The following EPS8L3 variants were observed in gnomAD, a reference collection of about 807,000 sequenced individuals.
EPS8L3 encodes epidermal growth factor receptor kinase substrate 8-like protein 3.
Under a neutral mutation model 88.5 loss-of-function variants are expected in EPS8L3, and 80 were observed. The observed-to-expected ratio is 0.90, with a 90% CI of 0.75 to 1.09. EPS8L3 has a LOEUF of 1.09. EPS8L3 is among the 50% of genes least tolerant of loss of function. The pLI is 0.00. For missense variants in EPS8L3, 721 were observed against 735.2 expected, an observed-to-expected ratio of 0.98 and a Z score of 0.22; for synonymous variants, 286 against 291.0, an observed-to-expected ratio of 0.98 and a Z score of 0.18.
At position 109,759,559 on chromosome 1, in the gene EPS8L3, G is replaced by A. The variant is rs989898679; in HGVS notation, c.255+119C>T. On this transcript the variant is annotated intron_variant, in intron 4 of 18. Coordinates refer to ENST00000361965, the MANE Select transcript of EPS8L3 (RefSeq NM_133181.4). This position sits in a 1 kb window ranked among gnomAD's most constrained non-coding sequence, Gnocchi z 4.2. ...CCCCTGTCTCTTCCTAGGCTTGGGT[G>A]TGTGTTGTATGTGGGGAGAGTGGCT... 2 of 1,482,986 alleles carry A rather than the reference G, an allele frequency of 1.3e-6. No homozygotes were observed. The highest frequency in any genetic ancestry group is 1.4e-5 in the African/African-American group (1 of 71,916). The allele number at this position is 1,482,986 out of a possible 1,614,324, so 91.9% of individuals were successfully genotyped here. A position where few individuals can be genotyped will look rare whatever the true frequency, so the allele number is the denominator to read the frequency against.
At chr1:109,761,614 C>T in intron 2 of EPS8L3, 55 bp from the exon 3 acceptor site, 1 of 1,608,082 alleles carries the variant, frequency 6.2e-7, no homozygotes, top group South Asian at 1.1e-5. Context: ...AGGTGAGACT[C>T]AGGCAACTGC....
chr1:109,757,338 G>T, intron 11 of EPS8L3, 143 bp downstream of exon 11: 2 of 1,121,622 alleles, frequency 1.8e-6, no homozygotes, highest in Non-Finnish European at 2.6e-6. Context: ...TTAGAGCCTT[G>T]GCGTCCTTGG....
At position 109,752,685 on chromosome 1, in the gene EPS8L3, C is replaced by T; in HGVS notation, c.1235+1G>A. 6.4e-7 allele frequency: 1 copy of T among 1,551,546 alleles called. No individual in the cohort carries two copies. The highest frequency in any genetic ancestry group is 2.4e-5 in the East Asian group (1 of 40,948). ...CAGTCCCTATTAAGCTCAGAGCATA[C>T]CGAAGGGAAACAGGGTCCTGGTATC... On this transcript the variant is annotated splice_donor_variant, in intron 14 of 18. Coordinates refer to ENST00000361965, the MANE Select transcript of EPS8L3 (RefSeq NM_133181.4). LOFTEE classifies it high-confidence loss of function.
At chr1:109,756,869 A>G in intron 12 of EPS8L3, 148 bp downstream of exon 12, 2 of 951,342 alleles carry the variant, frequency 2.1e-6, no homozygotes, top group Non-Finnish European at 3.2e-6. Flanking sequence ...TAGACAAATA[A>G]AAAGTTGGGA....
At chr1:109,761,822 G>A (rs1234691983) in intron 1 of EPS8L3, 49 bp from the exon 2 acceptor site, 2 of 1,547,892 alleles carry the variant, frequency 1.3e-6, no homozygotes, top group Non-Finnish European at 1.8e-6. Flanking sequence ...GGGGAAAGGT[G>A]TACCAGGCAC....
chr1:109,761,720 G>A lies in EPS8L3; in HGVS notation c.30C>T (p.Tyr10=). The A allele has an allele frequency of 2.5e-6, 4 of 1,614,014 alleles. No homozygotes were observed. Among genetic ancestry groups the A allele is most frequent in the Non-Finnish European group, 3.4e-6 (4 of 1,179,992 alleles). Reference sequence around the variant, plus strand: ...GAGAGGGGCCTGCCAGGAGCTTACAGTAAATGGCTCTGCTGCTGGGCCTTG... The same window carrying A: ...GAGAGGGGCCTGCCAGGAGCTTACAATAAATGGCTCTGCTGCTGGGCCTTG... MSRPSSRAI[Y]LHRKEYSQNL... Residue 10 remains tyrosine (Y), a splice_region_variant and synonymous_variant, in exon 2 of 19, where the codon TAC becomes TAT. Transcript: ENST00000361965.
Position 109,753,100 on chromosome 1 carries a change from T to G in EPS8L3, c.1200+17A>C. The G allele has an allele frequency of 6.2e-7, 1 of 1,606,492 alleles. No individual in the cohort carries two copies. The highest frequency in any genetic ancestry group is 8.5e-7 in the Non-Finnish European group (1 of 1,173,496). On this transcript the variant is annotated intron_variant, in intron 13 of 18. Coordinates refer to ENST00000361965, the MANE Select transcript of EPS8L3 (RefSeq NM_133181.4). The stretch of plus-strand genomic sequence containing the variant: ...GACTAGGGCTGTGGGTAGGGCTCTA[T>G]GCCAAGCTCCCCTTACTTGGCTGGA...
intron 1 of EPS8L3, 111 bp downstream of exon 1, chr1:109,763,711 T>A (rs1010452176): frequency 6.5e-6 from 1 of 152,788 alleles, no homozygotes; most frequent in Non-Finnish European, 1.5e-5. Context: ...GGGCTGCAGC[T>A]GGGAACAGGC....
At position 109,759,173 on chromosome 1, in the gene EPS8L3, GTGTGTGT is replaced by G; in HGVS notation, c.405+58_406-57del. On this transcript the variant is annotated intron_variant, in intron 5 of 18. Transcript: ENST00000361965. The surrounding 1 kb of genome is among the most constrained non-coding windows in gnomAD (Gnocchi z 4.2). ...TGTGTGTGTGTGTGTGTGTGTGTGT[GTGTGTGT>G]GTGGTGGGGTGATGGTCGATGAACC... The G allele has an allele frequency of 3.1e-6, 5 of 1,600,890 alleles. No homozygotes were observed. The highest frequency in any genetic ancestry group is 1.7e-5 in the Admixed American group (1 of 59,912).
chr1:109,758,938 C>G, intron 6 of EPS8L3, 124 bp downstream of exon 6: 1 of 1,078,828 alleles, frequency 9.3e-7, no homozygotes, highest in Non-Finnish European at 1.4e-6. Flanking sequence ...CCTGGCTCCT[C>G]CTCAGTCCAG....
chr1:109,754,030 A>G lies in EPS8L3; in HGVS notation c.1119-832T>C, dbSNP rs565545719. ...GCTATTAAGTGTTTATTCAATGGGAACAAAGGAATGATTCCCTCTTCTCAA... is the reference window on the plus strand; with the variant it reads ...GCTATTAAGTGTTTATTCAATGGGAGCAAAGGAATGATTCCCTCTTCTCAA... On this transcript the variant is annotated intron_variant, in intron 12 of 18. Coordinates refer to ENST00000361965, the MANE Select transcript of EPS8L3 (RefSeq NM_133181.4). 2.6e-5 allele frequency among the ~76,000 whole-genome samples: 4 copies of G among 152,302 alleles called. No individual in the cohort carries two copies. In the East Asian group the frequency reaches 7.7e-4, roughly 29 times the overall value.
chr1:109,759,530 C>T lies in EPS8L3; in HGVS notation c.256-143G>A. 6.7e-7 allele frequency: 1 copy of T among 1,488,762 alleles called. No individual in the cohort carries two copies. Among genetic ancestry groups the T allele is most frequent in the South Asian group, 1.3e-5 (1 of 76,028 alleles). 92.2% of individuals were successfully genotyped at this position (1,488,762 alleles called of 1,614,324 possible). On this transcript the variant is annotated intron_variant, in intron 4 of 18. Coordinates refer to ENST00000361965, the MANE Select transcript of EPS8L3 (RefSeq NM_133181.4). The surrounding 1 kb of genome is among the most constrained non-coding windows in gnomAD (Gnocchi z 4.2). Reference sequence around the variant, plus strand: ...ACTCTTGTGCCTCTGTCCCCAGCCTCTGTCCCCTGTCTCTTCCTAGGCTTG... The same window carrying T: ...ACTCTTGTGCCTCTGTCCCCAGCCTTTGTCCCCTGTCTCTTCCTAGGCTTG...
intron 17 of EPS8L3, 94 bp from the exon 18 acceptor site, chr1:109,750,886 T>A: frequency 6.7e-7 from 1 of 1,487,768 alleles, no homozygotes. Context: ...GGCTCGGAGG[T>A]TGGGGTTACA....
Position 109,759,948 on chromosome 1 carries a change from G to T in EPS8L3, c.97-112C>A. On this transcript the variant is annotated intron_variant, in intron 3 of 18. Coordinates refer to ENST00000361965, the MANE Select transcript of EPS8L3 (RefSeq NM_133181.4). This position sits in a 1 kb window ranked among gnomAD's most constrained non-coding sequence, Gnocchi z 4.2. ...AAGAAGACGTGTCCTCGGCCCCCTT[G>T]AGGTAGGAGGTTCCAGGCTTCAGAT... The T allele has an allele frequency of 2.6e-6, 3 of 1,163,322 alleles. No individual in the cohort carries two copies. The highest frequency in any genetic ancestry group is 1.5e-5 in the South Asian group (1 of 66,028). 72.1% of individuals were successfully genotyped at this position (1,163,322 alleles called of 1,614,324 possible). A position where few individuals can be genotyped will look rare whatever the true frequency, so the allele number is the denominator to read the frequency against.
intron 15 of EPS8L3, 68 bp from the exon 16 acceptor site, chr1:109,751,850 T>C (rs1010358972): frequency 6.2e-7 from 1 of 1,602,232 alleles, no homozygotes; most frequent in African/African-American, 1.3e-5. Flanking sequence ...CACACAAGGC[T>C]TTCTCCCTCC....
intron 3 of EPS8L3, 69 bp downstream of exon 3, chr1:109,761,426 C>A: frequency 1.4e-6 from 2 of 1,389,400 alleles, no homozygotes; most frequent in Admixed American, 2.0e-5. Context: ...CATGTTCTGG[C>A]AGGGCGGTGG....
chr1:109,762,233 G>A (rs968868749), intron 1 of EPS8L3, among the ~76,000 whole-genome samples: 5 of 152,180 alleles, frequency 3.3e-5, no homozygotes, highest in Admixed American at 6.5e-5. Flanking sequence ...CTGAGAGGAC[G>A]CTGATGCTGG....
At chr1:109,751,820 T>C (rs1486762466) in intron 15 of EPS8L3, 38 bp from the exon 16 acceptor site, 1 of 1,609,656 alleles carries the variant, frequency 6.2e-7, no homozygotes, top group Non-Finnish European at 8.5e-7. Context: ...TGAGCCTCTT[T>C]CCAGCCAGCC....
chr1:109,760,048 G>T, intron 3 of EPS8L3: 1 of 587,858 alleles, frequency 1.7e-6, no homozygotes. Context: ...CCAAGTCTGA[G>T]TCTGAGGGGC....
Sources: gnomAD v4.1 joint callset for allele counts (sites outside exome capture counted in the v4.1 genomes callset) on GRCh38, gnomAD v4.1.1 for gene constraint, Gnocchi (gnomAD v3.1) non-coding constraint, MANE v1.5 for transcripts, NCBI Gene and HGNC (gene_info 2026-07-23, HGNC 2026-07-21) for gene names.